Variants in DPP10 observed in about 807,000 individuals in gnomAD.
DPP10 encodes dipeptidyl peptidase like 10.
Under a neutral mutation model 120.9 loss-of-function variants are expected in DPP10, and 33 were observed. The ratio of observed to expected loss-of-function variants is 0.27; its 90% confidence interval spans 0.21 to 0.37. The LOEUF is 0.37. Among genes scored for constraint, DPP10 ranks in the 10% least tolerant of loss-of-function variants. The pLI is 1.00. For synonymous variants in DPP10, 337 were observed against 326.1 expected (o/e 1.03, Z -0.36); for missense variants, 816 against 942.8 (o/e 0.87, Z 1.76).
intron 5 of DPP10, among the ~76,000 whole-genome samples, chr2:115,563,952 A>G (rs532512950): frequency 3.9e-5 from 6 of 152,188 alleles, no homozygotes; most frequent in South Asian, 4.1e-4. Context: ...CATGCAATAT[A>G]TGTTTGCTCT....
intron 1 of DPP10, among the ~76,000 whole-genome samples, chr2:114,850,022 C>T (rs1357045682): frequency 6.8e-6 from 1 of 146,986 alleles, no homozygotes; most frequent in South Asian, 2.4e-4. Flanking sequence ...CCTTCCCTTC[C>T]CTTTCCTTCC....
chr2:114,634,660 G>C (rs994858868), intron 1 of DPP10, among the ~76,000 whole-genome samples: 3 of 151,962 alleles, frequency 2.0e-5, no homozygotes, highest in East Asian at 1.9e-4. Flanking sequence ...TTATGAATTA[G>C]GGATAATAAT....
intron 1 of DPP10, among the ~76,000 whole-genome samples, chr2:114,444,092 A>C (rs953046019): frequency 1.3e-5 from 2 of 152,162 alleles, no homozygotes; most frequent in Admixed American, 1.3e-4. Flanking sequence ...AGTTAACTGA[A>C]ATCATGCAGA....
intron 2 of DPP10, among the ~76,000 whole-genome samples, chr2:115,340,322 C>T (rs1178069392): frequency 2.6e-5 from 4 of 151,940 alleles, no homozygotes; most frequent in Non-Finnish European, 5.9e-5. Context: ...CAATACCAAA[C>T]TATATATACT....
intron 25 of DPP10, among the ~76,000 whole-genome samples, chr2:115,841,043 C>T (rs1313761745): frequency 6.6e-6 from 1 of 151,210 alleles, no homozygotes; most frequent in East Asian, 2.0e-4. Flanking sequence ...TTGTCATTTT[C>T]CTCTCAGACT....
intron 1 of DPP10, among the ~76,000 whole-genome samples, chr2:115,226,995 T>C (rs1279678985): frequency 6.6e-6 from 1 of 152,122 alleles, no homozygotes; most frequent in African/African-American, 2.4e-5. Context: ...AGTACAGACA[T>C]CAAACAAATC....
rs1689640242 is a variant in DPP10 at position 114,571,468 on chromosome 2, A to G, written c.60+128630A>G. ...TGAGCCAATTAAACCTCTTTTTATA[A>G]ATCACCCAGTCTTGCATATTTCTTT... On this transcript the variant is annotated intron_variant, in intron 1 of 25. Transcript: ENST00000410059. Among the ~76,000 whole-genome samples, 3 of 152,062 alleles carry G rather than the reference A, an allele frequency of 2.0e-5. No individual in the cohort carries two copies. In the South Asian group the frequency reaches 6.2e-4, roughly 32 times the overall value.
At chr2:115,162,148 C>T (rs144912580) in intron 1 of DPP10, 1 of 1,536,200 alleles carries the variant, frequency 6.5e-7, no homozygotes, top group Non-Finnish European at 8.8e-7. Context: ...CTCCCCCGCC[C>T]CGCCCCAGTT....
chr2:114,783,015 A>G (rs1183371904), intron 1 of DPP10, among the ~76,000 whole-genome samples: 1 of 152,136 alleles, frequency 6.6e-6, no homozygotes, highest in Non-Finnish European at 1.5e-5. Context: ...AAAAACATAA[A>G]CCATTATCTT....
intron 1 of DPP10, among the ~76,000 whole-genome samples, chr2:115,127,612 G>A (rs549274727): frequency 6.6e-6 from 1 of 152,342 alleles, no homozygotes; most frequent in South Asian, 2.1e-4. Context: ...AATAAAAGAG[G>A]TGTAGTCCAA....
chr2:114,977,913 A>G (rs574955054), intron 1 of DPP10, among the ~76,000 whole-genome samples: 1 of 151,996 alleles, frequency 6.6e-6, no homozygotes, highest in African/African-American at 2.4e-5. Context: ...AATCTTATCA[A>G]ATTTTTTAAC....
At chr2:115,621,749 G>A (rs1331413515) in intron 5 of DPP10, among the ~76,000 whole-genome samples, 1 of 152,194 alleles carries the variant, frequency 6.6e-6, no homozygotes, top group East Asian at 1.9e-4. Context: ...TTGCGATCTC[G>A]GCTCACTGCA....
chr2:114,613,157 A>G (rs1309306308), intron 1 of DPP10, among the ~76,000 whole-genome samples: 1 of 152,188 alleles, frequency 6.6e-6, no homozygotes, highest in Non-Finnish European at 1.5e-5. Flanking sequence ...ATAAATTTTT[A>G]GAGGCTTTGA....
At chr2:115,316,698 G>T (rs908599) in intron 2 of DPP10, among the ~76,000 whole-genome samples, 105,677 of 152,050 alleles carry the variant, frequency 0.7, 37,293 homozygotes, top group Admixed American at 0.77. Flanking sequence ...AACTTTAATA[G>T]TTTGTCATAT....
chr2:114,686,583 A>G (rs908330616), intron 1 of DPP10, among the ~76,000 whole-genome samples: 3 of 151,896 alleles, frequency 2.0e-5, no homozygotes, highest in African/African-American at 7.2e-5. Flanking sequence ...ATACCTAGTT[A>G]GCCCCATCAG....
Position 114,442,827 on chromosome 2 carries a change from A to G in DPP10, c.49A>G (p.Lys17Glu). 1.2e-6 allele frequency: 2 copies of G among 1,613,392 alleles called. No homozygotes were observed. Among genetic ancestry groups the G allele is most frequent in the Non-Finnish European group, 8.5e-7 (1 of 1,179,526 alleles). ...VSHHIKCQPSKTIKELGSNSP... is the reference protein window; with the variant it reads ...VSHHIKCQPSETIKELGSNSP... ...CCATCACATCAAGTGTCAACCCTCA[A>G]AAACAATCAAGGTAGGATCTGGTTT... Residue 17 changes from lysine to glutamate, a missense_variant, in exon 1 of 26, where the codon AAA becomes GAA. By Grantham distance (56) the Lys-to-Glu change is moderately conservative. This residue lies in a region of DPP10 where 182 missense variants were observed against 207.4 expected (regional missense o/e 0.88). Coordinates refer to ENST00000410059, the MANE Select transcript of DPP10 (RefSeq NM_020868.6).
intron 5 of DPP10, among the ~76,000 whole-genome samples, chr2:115,549,838 C>T (rs903895902): frequency 2.6e-5 from 4 of 152,094 alleles, no homozygotes; most frequent in African/African-American, 7.2e-5. Flanking sequence ...CTTTATCCAC[C>T]GTCCATGCTC....
chr2:114,882,871 T>C (rs908053830), intron 1 of DPP10, among the ~76,000 whole-genome samples: 5 of 152,130 alleles, frequency 3.3e-5, no homozygotes, highest in African/African-American at 1.2e-4. Context: ...AAACAAATCT[T>C]ATATGAAGGA....
At chr2:114,550,809 T>C (rs1687824540) in intron 1 of DPP10, among the ~76,000 whole-genome samples, 1 of 152,216 alleles carries the variant, frequency 6.6e-6, no homozygotes, top group Non-Finnish European at 1.5e-5. Context: ...TAGGGACAGT[T>C]TCTACCTTTC....
Sources: allele counts gnomAD v4.1 joint callset (sites outside exome capture counted in the v4.1 genomes callset), GRCh38; gene constraint gnomAD v4.1.1; regional missense constraint gnomAD v4.1.1; transcripts MANE v1.5; gene names NCBI Gene and HGNC (gene_info 2026-07-23, HGNC 2026-07-21).